Variants in SURF6 observed in about 807,000 individuals in gnomAD.
SURF6 encodes the protein surfeit locus protein 6.
A neutral mutation model predicts 37.5 loss-of-function variants in SURF6; 28 were observed. The observed-to-expected ratio is 0.75, with a 90% CI of 0.55 to 1.02. The LOEUF (loss-of-function observed/expected upper bound fraction) is 1.02, where lower values mean the gene tolerates loss of function less well. Among genes scored for constraint, SURF6 ranks in the 50% least tolerant of loss-of-function variants. The pLI, the probability that SURF6 is intolerant of heterozygous loss-of-function variation, is 0.00. For synonymous variants in SURF6, 248 were observed against 210.9 expected (o/e 1.18, Z -1.52); for missense variants, 560 against 490.5 (o/e 1.14, Z -1.34).
chr9:133,331,947 G>A lies in SURF6; in HGVS notation c.1008C>T (p.Arg336=), dbSNP rs1268495555. Residue 336 remains arginine (R), a synonymous_variant, in exon 5 of 5, where the codon CGC becomes CGT. Coordinates refer to ENST00000372022, the MANE Select transcript of SURF6 (RefSeq NM_006753.6). ...GGGCTCTGAGCAGGCGGCGCTCGGC[G>A]CGGGCCGCCTTCTTCCTGCGCAGGT... is the stretch of plus-strand genomic sequence containing the variant. ...RQNLRRKKAA[R]AERRLLRARK... The A allele has an allele frequency of 3.8e-6, 6 of 1,591,522 alleles. No individual in the cohort carries two copies. Among genetic ancestry groups the A allele is most frequent in the Non-Finnish European group, 4.3e-6 (5 of 1,176,202 alleles).
In SURF6 at chr9:133,331,925, C is replaced by A. The variant is rs782547187; in HGVS notation, c.1030G>T (p.Ala344Ser). The A allele has an allele frequency of 1.9e-6, 3 of 1,575,696 alleles. No homozygotes were observed. Among genetic ancestry groups the A allele is most frequent in the South Asian group, 1.1e-5 (1 of 87,176 alleles). ...GGCAGGATGCGGCCCTTCTTGCGGGCTCTGAGCAGGCGGCGCTCGGCGCGG... is the reference window on the plus strand; with the variant it reads ...GGCAGGATGCGGCCCTTCTTGCGGGATCTGAGCAGGCGGCGCTCGGCGCGG... ...AARAERRLLR[A>S]RKKGRILPQD... Residue 344 changes from alanine (A) to serine (S), a missense_variant, in exon 5 of 5, where the codon GCC becomes TCC. Coordinates refer to ENST00000372022, the MANE Select transcript of SURF6 (RefSeq NM_006753.6).
At position 133,331,794 on chromosome 9, in the gene SURF6, G is replaced by T. The variant is rs1163671888; in HGVS notation, c.*75C>A. 6 of 1,468,748 alleles carry T rather than the reference G, an allele frequency of 4.1e-6. No individual in the cohort carries two copies. The highest frequency in any genetic ancestry group is 1.5e-5 in the African/African-American group (1 of 68,922). 91.0% of individuals were successfully genotyped at this position (1,468,748 alleles called of 1,614,324 possible). A position where few individuals can be genotyped will look rare whatever the true frequency, so the allele number is the denominator to read the frequency against. The stretch of plus-strand genomic sequence containing the variant: ...CGAGGTCTGTGGAGATCCTGGGACA[G>T]AGCCAGCGTCAAGGACTCAGAGGGT... On this transcript the variant is annotated 3_prime_UTR_variant, in exon 5 of 5. Transcript: ENST00000372022.
At chr9:133,334,283 CCCTG>C in intron 2 of SURF6, 105 bp downstream of exon 2, 1 of 994,610 alleles carries the variant, frequency 1.0e-6, no homozygotes. Flanking sequence ...CTCGTGCTAT[CCCTG>C]TGCGCCTGCT....
chr9:133,333,626 G>A lies in SURF6; in HGVS notation c.393+92C>T, dbSNP rs1488438926. 3.3e-5 allele frequency: 40 copies of A among 1,204,128 alleles called. 1 individual carries two copies. The Admixed American group carries it at 7.3e-4, about 22-fold the overall frequency. 74.6% of individuals were successfully genotyped at this position (1,204,128 alleles called of 1,614,324 possible). On this transcript the variant is annotated intron_variant, in intron 3 of 4. Coordinates refer to ENST00000372022, the MANE Select transcript of SURF6 (RefSeq NM_006753.6). Reference sequence around the variant, plus strand: ...GCCCTGCCAGACTCGCTGCAGAGGGGAGAACAGGGGCTACGGCCCCTCGCT... The same window carrying A: ...GCCCTGCCAGACTCGCTGCAGAGGGAAGAACAGGGGCTACGGCCCCTCGCT...
chr9:133,334,601 G>A lies in SURF6; in HGVS notation c.95C>T (p.Ala32Val), dbSNP rs2129928478. ...SAPEQQARTR[A>V]GKTQGSETAG... The stretch of plus-strand genomic sequence containing the variant: ...AGTTTCTGAGCCTTGAGTTTTGCCA[G>A]CTGAAATGCAAAATAAGAAAGAGTT... The change falls in exon 2 of 5, where the codon GCT (alanine) becomes GTT (valine). Residue 32 changes from alanine (A) to valine (V), a missense_variant and splice_region_variant. By Grantham distance (64) the Ala-to-Val change is moderately conservative. Transcript: ENST00000372022. 6.2e-7 allele frequency: 1 copy of A among 1,607,232 alleles called. No homozygotes were observed.
intron 1 of SURF6, among the ~76,000 whole-genome samples, chr9:133,335,820 G>A (rs1835860174): frequency 6.6e-6 from 1 of 152,126 alleles, no homozygotes; most frequent in African/African-American, 2.4e-5. Context: ...AGCTTGCAGT[G>A]AGCCGAGATC....
In SURF6 at chr9:133,333,780, C is replaced by CA; in HGVS notation, c.330dup (p.Val111CysfsTer13). ...TGTCGCAGAACATCCAGAGCAAAGA[C>CA]AGACTCAGGCTCAGTGGCCAGGCCA... On this transcript the variant is annotated frameshift_variant, in exon 3 of 5. Transcript: ENST00000372022. LOFTEE classifies it high-confidence loss of function. 1 of 1,613,942 alleles carries CA rather than the reference C, an allele frequency of 6.2e-7. No individual in the cohort carries two copies. The highest frequency in any genetic ancestry group is 8.5e-7 in the Non-Finnish European group (1 of 1,179,950).
Position 133,334,428 on chromosome 9 carries a change from C to T in SURF6, c.268G>A (p.Ala90Thr). 1 of 1,613,946 alleles carries T rather than the reference C, an allele frequency of 6.2e-7. No homozygotes were observed. The highest frequency in any genetic ancestry group is 8.5e-7 in the Non-Finnish European group (1 of 1,180,040). ...ARRPEAAKEE[A>T]AWASSSAGNP... is the part of the protein sequence containing the mutation. Reference sequence around the variant, plus strand: ...CCTGCTGAGCTGGAAGCCCAAGCTGCTTCCTCTTTGGCTGCCTCAGGCCTC... The same window carrying T: ...CCTGCTGAGCTGGAAGCCCAAGCTGTTTCCTCTTTGGCTGCCTCAGGCCTC... Residue 90 changes from alanine (A) to threonine (T), a missense_variant, in exon 2 of 5, where the codon GCA (alanine) becomes ACA (threonine). By Grantham distance (58) the Ala-to-Thr change is moderately conservative. Coordinates refer to ENST00000372022, the MANE Select transcript of SURF6 (RefSeq NM_006753.6).
Position 133,331,717 on chromosome 9 carries a change from G to C in SURF6, c.*152C>G, listed in dbSNP as rs1588669615. The C allele has an allele frequency of 1.5e-5, 15 of 984,574 alleles. No individual in the cohort carries two copies. The East Asian group carries it at 4.6e-4, about 30-fold the overall frequency. 61.0% of individuals were successfully genotyped at this position (984,574 alleles called of 1,614,324 possible). Reference sequence around the variant, plus strand: ...CTTTCTCACATGGGATCTGTGATCTGGGCCCTCACAACTCAGCAGAGCACC... The same window carrying C: ...CTTTCTCACATGGGATCTGTGATCTCGGCCCTCACAACTCAGCAGAGCACC... On this transcript the variant is annotated 3_prime_UTR_variant, in exon 5 of 5. Coordinates refer to ENST00000372022, the MANE Select transcript of SURF6 (RefSeq NM_006753.6).
chr9:133,331,974 C>G lies in SURF6; in HGVS notation c.981G>C (p.Gln327His). 1 of 1,596,322 alleles carries G rather than the reference C, an allele frequency of 6.3e-7. No individual in the cohort carries two copies. Among genetic ancestry groups the G allele is most frequent in the South Asian group, 1.1e-5 (1 of 90,712 alleles). Residue 327 changes from glutamine (Q) to histidine (H), a missense_variant, in exon 5 of 5, where the codon CAG becomes CAC. Coordinates refer to ENST00000372022, the MANE Select transcript of SURF6 (RefSeq NM_006753.6). ...GGGCCGCCTTCTTCCTGCGCAGGTT[C>G]TGCCGCCGCCGGTCCTGGCGCTGCT... ...KMQQRQDRRR[Q>H]NLRRKKAARA... is the part of the protein sequence containing the mutation.
In SURF6 at chr9:133,334,581, C is replaced by T; in HGVS notation, c.115G>A (p.Glu39Lys). ...RTRAGKTQGS[E>K]TAGPPKKKRK... The stretch of plus-strand genomic sequence containing the variant: ...TTCTTTTTTGGGGGCCCTGCAGTTT[C>T]TGAGCCTTGAGTTTTGCCAGCTGAA... The change falls in exon 2 of 5, where the codon GAA becomes AAA. Residue 39 changes from glutamate (E) to lysine (K), a missense_variant. Glu to Lys is a moderately conservative substitution (Grantham distance 56). Coordinates refer to ENST00000372022, the MANE Select transcript of SURF6 (RefSeq NM_006753.6). The T allele has an allele frequency of 6.2e-7, 1 of 1,610,606 alleles. No individual in the cohort carries two copies. The highest frequency in any genetic ancestry group is 8.5e-7 in the Non-Finnish European group (1 of 1,179,996).
In SURF6 at chr9:133,330,228, G is replaced by A. The variant is rs1455073111; in HGVS notation, c.*1641C>T. ...TGTTTTTTTGTGCTGCTTTAGCTCT[G>A]TTCCACAAATCTTAAATTTTTTCTT... is the stretch of plus-strand genomic sequence containing the variant. On this transcript the variant is annotated 3_prime_UTR_variant, in exon 5 of 5. Transcript: ENST00000372022. 6.6e-6 allele frequency: 1 copy of A among 152,142 alleles called. No homozygotes were observed. Among genetic ancestry groups the A allele is most frequent in the African/African-American group, 2.4e-5 (1 of 41,424 alleles). The allele number at this position is 152,142 out of a possible 1,614,324, so 9.4% of individuals were successfully genotyped here.
chr9:133,333,163 C>G (rs2129922746), intron 3 of SURF6, among the ~76,000 whole-genome samples: 4 of 152,098 alleles, frequency 2.6e-5, no homozygotes, highest in Non-Finnish European at 5.9e-5. Context: ...TGGCCTTTCC[C>G]ATCCCCGGGC....
Position 133,336,068 on chromosome 9 carries a change from G to T in SURF6, c.65C>A (p.Ser22Ter). ...CGTGCGCGCCTGCTGTTCCGGGGCCGAATGGGAGCAGATCTTCTTGGCCAG... is the reference window on the plus strand; with the variant it reads ...CGTGCGCGCCTGCTGTTCCGGGGCCTAATGGGAGCAGATCTTCTTGGCCAG... ...QSLAKKICSH[S>*]APEQQARTRA... Residue 22 changes from serine (S) to a stop codon, truncating the protein, a stop_gained, in exon 1 of 5, where the codon TCG becomes TAG. Coordinates refer to ENST00000372022, the MANE Select transcript of SURF6 (RefSeq NM_006753.6). LOFTEE classifies it high-confidence loss of function. 1 of 1,612,504 alleles carries T rather than the reference G, an allele frequency of 6.2e-7. No homozygotes were observed. Among genetic ancestry groups the T allele is most frequent in the Non-Finnish European group, 8.5e-7 (1 of 1,179,836 alleles).
In SURF6 at chr9:133,330,789, T is replaced by C. The variant is rs1017210896; in HGVS notation, c.*1080A>G. The C allele has an allele frequency of 1.3e-5, 2 of 152,198 alleles. No homozygotes were observed. Among genetic ancestry groups the C allele is most frequent in the Non-Finnish European group, 2.9e-5 (2 of 68,034 alleles). The allele number at this position is 152,198 out of a possible 1,614,324, so 9.4% of individuals were successfully genotyped here. ...CTGATTCCTTGAAATATCTTAAGAC[T>C]TCTTTTCTGGACAAAGTAGGTGGTC... On this transcript the variant is annotated 3_prime_UTR_variant, in exon 5 of 5. Coordinates refer to ENST00000372022, the MANE Select transcript of SURF6 (RefSeq NM_006753.6).
Position 133,332,078 on chromosome 9 carries a change from G to C in SURF6, c.877C>G (p.Leu293Val), listed in dbSNP as rs2129914773. ...RDDERLLQEA[L>V]KRKEKRRAQR... Reference sequence around the variant, plus strand: ...GCCCTGCGCTTCTCCTTGCGCTTCAGGGCCTCCTGCAGCAGGCGTTCGTCG... The same window carrying C: ...GCCCTGCGCTTCTCCTTGCGCTTCACGGCCTCCTGCAGCAGGCGTTCGTCG... The change falls in exon 5 of 5, where the codon CTG becomes GTG. Residue 293 changes from leucine to valine, a missense_variant. Coordinates refer to ENST00000372022, the MANE Select transcript of SURF6 (RefSeq NM_006753.6). 2 of 1,607,652 alleles carry C rather than the reference G, an allele frequency of 1.2e-6. No homozygotes were observed. Among genetic ancestry groups the C allele is most frequent in the East Asian group, 2.2e-5 (1 of 44,880 alleles).
chr9:133,329,450 CT>C lies in SURF6; in HGVS notation c.*2418del. ...AAGTAGCGGGTGTTGTTCCTTGATA[CT>C]TTTTGCTACTGCTAGACCATGGTCC... is the stretch of plus-strand genomic sequence containing the variant. On this transcript the variant is annotated 3_prime_UTR_variant, in exon 5 of 5. Transcript: ENST00000372022. The C allele has an allele frequency of 7.0e-6, 2 of 287,306 alleles. No homozygotes were observed. The highest frequency in any genetic ancestry group is 1.4e-5 in the Non-Finnish European group (2 of 139,654). 17.8% of individuals were successfully genotyped at this position (287,306 alleles called of 1,614,324 possible).
At chr9:133,334,339 G>GCCCAGC (rs1400445635) in intron 2 of SURF6, 53 bp downstream of exon 2, 2 of 1,517,132 alleles carry the variant, frequency 1.3e-6, no homozygotes, top group African/African-American at 2.8e-5. Context: ...CCAAGCCCAA[G>GCCCAGC]CCCAGCCCCA....
chr9:133,331,774 T>G lies in SURF6; in HGVS notation c.*95A>C. ...TCCCCCTCACATGGAGAGGCCGAGG[T>G]CTGTGGAGATCCTGGGACAGAGCCA... On this transcript the variant is annotated 3_prime_UTR_variant, in exon 5 of 5. Coordinates refer to ENST00000372022, the MANE Select transcript of SURF6 (RefSeq NM_006753.6). 1 of 1,435,130 alleles carries G rather than the reference T, an allele frequency of 7.0e-7. No individual in the cohort carries two copies. Among genetic ancestry groups the G allele is most frequent in the Non-Finnish European group, 9.1e-7 (1 of 1,101,198 alleles). The allele number at this position is 1,435,130 out of a possible 1,614,324, so 88.9% of individuals were successfully genotyped here.
Sources: gnomAD v4.1 joint callset for allele counts (sites outside exome capture counted in the v4.1 genomes callset) on GRCh38, gnomAD v4.1.1 for gene constraint, MANE v1.5 for transcripts, NCBI Gene and HGNC (gene_info 2026-07-23, HGNC 2026-07-21) for gene names.